The following LRRC7 variants were observed in gnomAD, a reference collection of about 807,000 sequenced individuals.
LRRC7 encodes the protein leucine-rich repeat-containing protein 7.
LRRC7 carries 23 observed loss-of-function variants against 175.7 expected under a neutral mutation model. That is an observed-to-expected ratio of 0.13 (90% confidence interval 0.09 to 0.19). The LOEUF (loss-of-function observed/expected upper bound fraction) is 0.19, where lower values mean the gene tolerates loss of function less well. Among genes scored for constraint, LRRC7 ranks in the 10% least tolerant of loss-of-function variants. The probability of loss-of-function intolerance (pLI) is 1.00; values close to 1 mark genes in which losing one functional copy is unlikely to be tolerated. For missense variants in LRRC7, 1,354 were observed against 1,904.7 expected (o/e 0.71, Z 5.38); for synonymous variants, 685 against 680.9 (o/e 1.01, Z -0.09).
intron 9 of LRRC7, among the ~76,000 whole-genome samples, chr1:69,984,200 A>T (rs1166425200): frequency 2.0e-5 from 3 of 152,206 alleles, no homozygotes; most frequent in Non-Finnish European, 4.4e-5. Context: ...CTGGGATTAC[A>T]GGCGTGAGCC....
chr1:69,973,526 G>A (rs904767512), intron 8 of LRRC7, among the ~76,000 whole-genome samples: 10 of 152,146 alleles, frequency 6.6e-5, no homozygotes, highest in Admixed American at 1.3e-4. Flanking sequence ...GGAATTTGTT[G>A]CAGTCATACA....
chr1:69,912,041 C>G (rs138555883), intron 7 of LRRC7, among the ~76,000 whole-genome samples: 1 of 151,910 alleles, frequency 6.6e-6, no homozygotes, highest in Non-Finnish European at 1.5e-5. Context: ...TTAAAGCATA[C>G]AGGAGGATGT....
chr1:69,963,242 T>A (rs1651306019), intron 8 of LRRC7, among the ~76,000 whole-genome samples: 1 of 149,980 alleles, frequency 6.7e-6, no homozygotes, highest in Non-Finnish European at 1.5e-5. Flanking sequence ...GAGGCAGAGG[T>A]TGCAGTGAGC....
intron 7 of LRRC7, among the ~76,000 whole-genome samples, chr1:69,911,297 G>A (rs1383303865): frequency 1.3e-5 from 2 of 152,164 alleles, no homozygotes; most frequent in Non-Finnish European, 2.9e-5. Flanking sequence ...CATCACTCAC[G>A]CTGGGAGCTG....
rs112554113 is a variant in LRRC7 at position 69,897,970 on chromosome 1, T to C, written c.648-33537T>C. Among the ~76,000 whole-genome samples, 271 of 152,318 alleles carry C rather than the reference T, an allele frequency of 1.8e-3. 2 individuals are homozygous for C. The highest frequency in any genetic ancestry group is 6.0e-3 in the African/African-American group (250 of 41,576). On this transcript the variant is annotated intron_variant, in intron 7 of 26. Transcript: ENST00000651989. ...TGGCTGCTCCGTGCAGAGTAGATTA[T>C]AGCGGGCACAATGGAAGACATGGTA...
intron 1 of LRRC7, among the ~76,000 whole-genome samples, chr1:69,650,311 C>A (rs989467740): frequency 6.6e-6 from 1 of 151,684 alleles, no homozygotes; most frequent in African/African-American, 2.4e-5. Flanking sequence ...GATGCCAGGA[C>A]GGGTGGATCA....
chr1:70,038,617 A>T lies in LRRC7; in HGVS notation c.2793A>T (p.Pro931=), dbSNP rs564079288. The change falls in exon 21 of 27, where the codon CCA becomes CCT. Residue 931 remains proline (P), a synonymous_variant. Transcript: ENST00000651989. The part of the protein sequence containing the change: ...EIPSPFSPGV[P]WEYHDSNPNR... Reference sequence around the variant, plus strand: ...CTAGTCCTTTTTCTCCAGGCGTACCATGGGAGTATCATGATTCCAATCCCA... The same window carrying T: ...CTAGTCCTTTTTCTCCAGGCGTACCTTGGGAGTATCATGATTCCAATCCCA... 6.2e-7 allele frequency: 1 copy of T among 1,614,118 alleles called. No homozygotes were observed. The highest frequency in any genetic ancestry group is 1.1e-5 in the South Asian group (1 of 91,080).
intron 19 of LRRC7, 98 bp from the exon 20 acceptor site, chr1:70,036,346 T>C: frequency 7.0e-7 from 1 of 1,419,038 alleles, no homozygotes; most frequent in Non-Finnish European, 9.7e-7. Context: ...AAATATGCAT[T>C]TCTAACCTTA....
intron 7 of LRRC7, among the ~76,000 whole-genome samples, chr1:69,876,735 C>A (rs563537548): frequency 1.3e-5 from 2 of 152,134 alleles, no homozygotes; most frequent in Non-Finnish European, 2.9e-5. Flanking sequence ...ATCTTTAATT[C>A]AATCCAATTC....
intron 22 of LRRC7, among the ~76,000 whole-genome samples, chr1:70,047,604 T>C (rs1356247803): frequency 1.3e-5 from 2 of 152,142 alleles, no homozygotes; most frequent in African/African-American, 4.8e-5. Context: ...AATATTTATA[T>C]GAACAAAAAG....
In LRRC7 at chr1:69,674,847, T is replaced by C. The variant is rs191083858; in HGVS notation, c.3-3534T>C. The stretch of plus-strand genomic sequence containing the variant: ...TTTCTTTATTAAAGACCAATTGTAA[T>C]ATGTTTCCAAATATATGGAACATTT... On this transcript the variant is annotated intron_variant, in intron 1 of 26. Coordinates refer to ENST00000651989, the MANE Select transcript of LRRC7 (RefSeq NM_001370785.2). Among the ~76,000 whole-genome samples, 410 of 152,316 alleles carry C rather than the reference T, an allele frequency of 2.7e-3. 1 individual carries two copies. The highest frequency in any genetic ancestry group is 4.4e-3 in the Non-Finnish European group (298 of 68,014).
chr1:70,010,645 A>C (rs1418678486), intron 11 of LRRC7, among the ~76,000 whole-genome samples: 1 of 152,230 alleles, frequency 6.6e-6, no homozygotes, highest in East Asian at 1.9e-4. Context: ...ACATTGGTAG[A>C]ATCTTCACCC....
In LRRC7 at chr1:69,834,857, C is replaced by G. The variant is rs376370993; in HGVS notation, c.578C>G (p.Ala193Gly). ...LNDAFLEFLP[A>G]NFGRLVKLRI... ...GACGCCTTTCTTGAATTTCTTCCAGCCAATTTTGGAAGGTAAGAATAAGAA... is the reference window on the plus strand; with the variant it reads ...GACGCCTTTCTTGAATTTCTTCCAGGCAATTTTGGAAGGTAAGAATAAGAA... The change falls in exon 6 of 27, where the codon GCC (alanine) becomes GGC (glycine). Residue 193 changes from alanine (A) to glycine (G), a missense_variant. This residue lies in a region of LRRC7 where 201 missense variants were observed against 481.4 expected (regional missense o/e 0.42). Transcript: ENST00000651989. 1.2e-6 allele frequency: 2 copies of G among 1,612,352 alleles called. No homozygotes were observed. Among genetic ancestry groups the G allele is most frequent in the Non-Finnish European group, 1.7e-6 (2 of 1,178,882 alleles).
rs547183652 is a variant in LRRC7 at position 70,103,247 on chromosome 1, A to C, written c.4546-4505A>C. ...CTGTCTCAAAAAGAAAAAAAAAAAAACCTAATTATTCAGAACTGTGAATAT... is the reference window on the plus strand; with the variant it reads ...CTGTCTCAAAAAGAAAAAAAAAAAACCCTAATTATTCAGAACTGTGAATAT... On this transcript the variant is annotated intron_variant, in intron 25 of 26. Coordinates refer to ENST00000651989, the MANE Select transcript of LRRC7 (RefSeq NM_001370785.2). Among the ~76,000 whole-genome samples the C allele has an allele frequency of 3.5e-3, 533 of 151,852 alleles. 8 individuals are homozygous for C. Among genetic ancestry groups the C allele is most frequent in the African/African-American group, 0.012 (514 of 41,382 alleles).
chr1:69,878,618 A>G (rs940095884), intron 7 of LRRC7, among the ~76,000 whole-genome samples: 7 of 152,022 alleles, frequency 4.6e-5, no homozygotes, highest in Admixed American at 2.6e-4. Context: ...CTAACTGAGA[A>G]TGGCTGCCTT....
chr1:69,672,695 T>C (rs1557579975), intron 1 of LRRC7, among the ~76,000 whole-genome samples: 1 of 152,204 alleles, frequency 6.6e-6, no homozygotes, highest in South Asian at 2.1e-4. Flanking sequence ...CAAGTGTAAA[T>C]CTATTTCAAC....
At chr1:70,022,044 T>G (rs895803168) in intron 16 of LRRC7, among the ~76,000 whole-genome samples, 1 of 152,166 alleles carries the variant, frequency 6.6e-6, no homozygotes, top group African/African-American at 2.4e-5. Context: ...TAAACTTTAT[T>G]TCTTAAATCA....
In LRRC7 at chr1:69,942,101, G is replaced by GTCCT. The variant is rs1648784992; in HGVS notation, c.711+10532_711+10535dup. ...ACATGCTCTGGCCCTGCACCTTCAT[G>GTCCT]TCCTGATGGTCAGGTGAGTGGGCAC... On this transcript the variant is annotated intron_variant, in intron 8 of 26. Transcript: ENST00000651989. Among the ~76,000 whole-genome samples, 5 of 152,208 alleles carry GTCCT rather than the reference G, an allele frequency of 3.3e-5. No individual in the cohort carries two copies. In the South Asian group the frequency reaches 1.0e-3, roughly 32 times the overall value.
At position 69,616,499 on chromosome 1, in the gene LRRC7, C is replaced by T. The variant is rs557748530; in HGVS notation, c.2+47858C>T. On this transcript the variant is annotated intron_variant, in intron 1 of 26. Transcript: ENST00000651989. Reference sequence around the variant, plus strand: ...TTCCTCAATTAAGCAATCAAAGTTTCGGCAACCTTTTATTTAAAGTTATTA... The same window carrying T: ...TTCCTCAATTAAGCAATCAAAGTTTTGGCAACCTTTTATTTAAAGTTATTA... 6.6e-5 allele frequency among the ~76,000 whole-genome samples: 10 copies of T among 152,050 alleles called. No homozygotes were observed. The East Asian group carries it at 9.7e-4, about 15-fold the overall frequency.
Sources: gnomAD v4.1 joint callset for allele counts (sites outside exome capture counted in the v4.1 genomes callset) on GRCh38, gnomAD v4.1.1 for gene constraint, gnomAD v4.1.1 regional missense constraint, MANE v1.5 for transcripts, NCBI Gene and HGNC (gene_info 2026-07-23, HGNC 2026-07-21) for gene names.